MAGI2: variants seen among roughly 807,000 people sequenced by gnomAD.
MAGI2 encodes membrane associated guanylate kinase, WW and PDZ domain containing 2.
A neutral mutation model predicts 133.3 loss-of-function variants in MAGI2; 35 were observed. That is an observed-to-expected ratio of 0.26 (90% CI 0.20 to 0.35). MAGI2 has a LOEUF of 0.35. Ranked by LOEUF, MAGI2 falls within the 10% of genes least tolerant of loss-of-function variation. The probability of loss-of-function intolerance (pLI) is 1.00; values close to 1 mark genes in which losing one functional copy is unlikely to be tolerated. For missense variants in MAGI2, 1,636 were observed against 1,863.4 expected (o/e 0.88, Z 2.25); for synonymous variants, 729 against 710.6 (o/e 1.03, Z -0.41).
chr7:78,429,247 A>T (rs532865429), intron 6 of MAGI2, among the ~76,000 whole-genome samples: 179 of 151,396 alleles, frequency 1.2e-3, no homozygotes, highest in South Asian at 7.1e-3. Context: ...ACATCATCAG[A>T]ACTCCCATCC....
intron 1 of MAGI2, among the ~76,000 whole-genome samples, chr7:79,104,808 T>C (rs938280424): frequency 1.3e-5 from 2 of 152,166 alleles, no homozygotes; most frequent in African/African-American, 4.8e-5. Context: ...TGAGGTTCAT[T>C]GCAATCTCAA....
chr7:79,408,647 C>A (rs560578718), intron 1 of MAGI2, among the ~76,000 whole-genome samples: 3 of 152,078 alleles, frequency 2.0e-5, no homozygotes, highest in South Asian at 2.1e-4. Context: ...AGTTAAGTAA[C>A]ATTTAACTCA....
chr7:78,741,733 G>C (rs905157054), intron 2 of MAGI2, among the ~76,000 whole-genome samples: 2 of 152,002 alleles, frequency 1.3e-5, no homozygotes, highest in South Asian at 4.1e-4. Flanking sequence ...GTGAAATAGG[G>C]ATACTAACTA....
intron 2 of MAGI2, among the ~76,000 whole-genome samples, chr7:78,759,206 A>C (rs1824248972): frequency 6.6e-6 from 1 of 152,060 alleles, no homozygotes; most frequent in Non-Finnish European, 1.5e-5. Flanking sequence ...AGTCTACCAG[A>C]GTCAGAAATA....
intron 1 of MAGI2, chr7:79,413,831 T>C (rs1846305403): frequency 1.3e-5 from 2 of 152,192 alleles, no homozygotes; most frequent in Non-Finnish European, 2.9e-5. Context: ...CTTCAACATC[T>C]ATTCTGTTCA....
intron 1 of MAGI2, among the ~76,000 whole-genome samples, chr7:79,030,753 A>AT (rs1810486643): frequency 3.3e-5 from 5 of 152,208 alleles, no homozygotes; most frequent in Non-Finnish European, 5.9e-5. Flanking sequence ...GAAAATCAAA[A>AT]CAGAAATCCC....
rs551106518 is a variant in MAGI2, at chr7:79,011,538, G to T, written c.302-4332C>A. Among the ~76,000 whole-genome samples the T allele has an allele frequency of 7.2e-5, 11 of 152,190 alleles. No individual in the cohort carries two copies. The East Asian group carries it at 2.1e-3, about 29-fold the overall frequency. Reference sequence around the variant, plus strand: ...CAGCTCAACCTTCCCCTCCCCTTGAGTCAACTGCTTCTGGAATGAAAGCGT... The same window carrying T: ...CAGCTCAACCTTCCCCTCCCCTTGATTCAACTGCTTCTGGAATGAAAGCGT... On this transcript the variant is annotated intron_variant, in intron 1 of 21. Coordinates refer to ENST00000354212, the MANE Select transcript of MAGI2 (RefSeq NM_012301.4).
At chr7:79,172,952 A>G (rs1235152162) in intron 1 of MAGI2, 1 of 152,104 alleles carries the variant, frequency 6.6e-6, no homozygotes, top group Non-Finnish European at 1.5e-5. Flanking sequence ...AGAAGATAAT[A>G]CTGCAAAGCG....
intron 2 of MAGI2, among the ~76,000 whole-genome samples, chr7:78,983,578 C>A (rs1804974923): frequency 6.6e-6 from 1 of 151,918 alleles, no homozygotes; most frequent in Non-Finnish European, 1.5e-5. Flanking sequence ...CAGCCACTAA[C>A]AAGACCATCC....
chr7:79,255,643 T>G (rs943943363), intron 1 of MAGI2, among the ~76,000 whole-genome samples: 1 of 152,130 alleles, frequency 6.6e-6, no homozygotes. Context: ...TCTGGAGGTC[T>G]GCCAGAGAAA....
In MAGI2 at chr7:78,245,245, T is replaced by C. The variant is rs376967401; in HGVS notation, c.2047+10698A>G. On this transcript the variant is annotated intron_variant, in intron 10 of 21. Transcript: ENST00000354212. The stretch of plus-strand genomic sequence containing the variant: ...ACTCCAGGGGGATAGGAGATATAAA[T>C]GTAAAAAACAAACTAAGGACATATT... Among the ~76,000 whole-genome samples the C allele has an allele frequency of 8.5e-5, 13 of 152,324 alleles. No individual in the cohort carries two copies. The East Asian group carries it at 2.5e-3, about 29-fold the overall frequency.
At chr7:79,381,684 T>G (rs1191838673) in intron 1 of MAGI2, among the ~76,000 whole-genome samples, 1 of 151,724 alleles carries the variant, frequency 6.6e-6, no homozygotes, top group African/African-American at 2.4e-5. Context: ...TCACTGAAGC[T>G]CCATAAACTT....
At chr7:79,221,622 G>C (rs1422906288) in intron 1 of MAGI2, among the ~76,000 whole-genome samples, 1 of 151,938 alleles carries the variant, frequency 6.6e-6, no homozygotes, top group Non-Finnish European at 1.5e-5. Flanking sequence ...AATCATACTG[G>C]GGAAGGCTTA....
At chr7:78,078,771 C>A in intron 21 of MAGI2, 176 bp downstream of exon 21, 1 of 638,592 alleles carries the variant, frequency 1.6e-6, no homozygotes, top group Non-Finnish European at 2.7e-6. Context: ...TGGGCATAAA[C>A]ATACGTGTGT....
intron 21 of MAGI2, among the ~76,000 whole-genome samples, chr7:78,070,699 T>C (rs1209764108): frequency 6.6e-6 from 1 of 150,412 alleles, no homozygotes; most frequent in African/African-American, 2.5e-5. Flanking sequence ...TGGAGTGCAA[T>C]GGCATGATCT....
chr7:79,275,025 T>C (rs1315440851), intron 1 of MAGI2, among the ~76,000 whole-genome samples: 2 of 152,106 alleles, frequency 1.3e-5, no homozygotes, highest in African/African-American at 4.8e-5. Context: ...GCTTCCCTAT[T>C]CCCTGAGACA....
At chr7:78,863,453 C>T (rs1206339957) in intron 2 of MAGI2, among the ~76,000 whole-genome samples, 1 of 152,136 alleles carries the variant, frequency 6.6e-6, no homozygotes, top group Non-Finnish European at 1.5e-5. Flanking sequence ...GGAGGGGTGC[C>T]AGGCTCTTTT....
At chr7:78,261,978 A>G (rs918974378) in intron 9 of MAGI2, among the ~76,000 whole-genome samples, 2 of 152,182 alleles carry the variant, frequency 1.3e-5, no homozygotes, top group African/African-American at 4.8e-5. Flanking sequence ...TATTCCCCAA[A>G]GTGAAACACT....
intron 2 of MAGI2, among the ~76,000 whole-genome samples, chr7:78,881,022 C>T (rs1419915902): frequency 2.0e-5 from 3 of 152,180 alleles, no homozygotes; most frequent in African/African-American, 7.2e-5. Flanking sequence ...GAAAACTTAA[C>T]TATCCTAAAT....
Sources: allele counts gnomAD v4.1 joint callset (sites outside exome capture counted in the v4.1 genomes callset), GRCh38; gene constraint gnomAD v4.1.1; transcripts MANE v1.5; gene names NCBI Gene and HGNC (gene_info 2026-07-23, HGNC 2026-07-21).